The following SLC4A5 variants were observed in gnomAD, a reference collection of about 807,000 sequenced individuals.
SLC4A5 encodes the protein solute carrier family 4 member 5.
Under a neutral mutation model 120.4 loss-of-function variants are expected in SLC4A5, and 96 were observed. That is an observed-to-expected ratio of 0.80 (90% CI 0.68 to 0.94). The LOEUF (loss-of-function observed/expected upper bound fraction) is 0.94, where lower values mean the gene tolerates loss of function less well. Among genes scored for constraint, SLC4A5 ranks in the 40% least tolerant of loss-of-function variants. The pLI, the probability that SLC4A5 is intolerant of heterozygous loss-of-function variation, is 0.00. For missense variants in SLC4A5, 1,259 were observed against 1,459.5 expected, an observed-to-expected ratio of 0.86 and a Z score of 2.24; for synonymous variants, 550 against 571.1, an observed-to-expected ratio of 0.96 and a Z score of 0.53.
chr2:74,257,190 C>T (rs573321053), intron 12 of SLC4A5, among the ~76,000 whole-genome samples: 3 of 151,858 alleles, frequency 2.0e-5, no homozygotes, highest in African/African-American at 7.2e-5. Flanking sequence ...CCTACCAGCA[C>T]GAGGAGGGGC....
chr2:74,222,534 C>T (rs933920776), intron 29 of SLC4A5, among the ~76,000 whole-genome samples: 2 of 152,170 alleles, frequency 1.3e-5, no homozygotes, highest in African/African-American at 4.8e-5. Flanking sequence ...AAGCATTAAC[C>T]CCTGTGCTCC....
intron 8 of SLC4A5, among the ~76,000 whole-genome samples, chr2:74,271,601 T>C (rs1250037236): frequency 6.6e-6 from 1 of 152,048 alleles, no homozygotes; most frequent in Non-Finnish European, 1.5e-5. Flanking sequence ...ATGCCAAATA[T>C]ACATTAAGCT....
intron 27 of SLC4A5, among the ~76,000 whole-genome samples, chr2:74,225,645 C>T (rs1023675139): frequency 6.6e-6 from 1 of 152,124 alleles, no homozygotes; most frequent in Admixed American, 6.5e-5. Flanking sequence ...CTTGAGCATG[C>T]ACCAGGACCT....
chr2:74,252,031 TG>T, intron 16 of SLC4A5, 147 bp downstream of exon 16: 1 of 847,662 alleles, frequency 1.2e-6, no homozygotes, highest in Non-Finnish European at 1.8e-6. Flanking sequence ...GGATCCATGA[TG>T]GGGTTCAAGG....
At chr2:74,256,023 GA>G in intron 12 of SLC4A5, 91 bp from the exon 13 acceptor site, 3 of 1,425,768 alleles carry the variant, frequency 2.1e-6, no homozygotes, top group Non-Finnish European at 2.9e-6. Flanking sequence ...GGCCTAACTT[GA>G]AAAAAATTCT....
chr2:74,329,980 T>C (rs1273271205), intron 4 of SLC4A5, among the ~76,000 whole-genome samples: 5 of 151,298 alleles, frequency 3.3e-5, no homozygotes, highest in African/African-American at 7.3e-5. Context: ...GTGTGAAGTA[T>C]AGATGGAGGT....
intron 2 of SLC4A5, among the ~76,000 whole-genome samples, chr2:74,339,951 C>T (rs907889634): frequency 6.6e-6 from 1 of 152,180 alleles, no homozygotes; most frequent in Non-Finnish European, 1.5e-5. Context: ...ACGACAAATA[C>T]TGTATGAGTC....
intron 29 of SLC4A5, among the ~76,000 whole-genome samples, chr2:74,222,108 A>G (rs1376168227): frequency 1.3e-5 from 2 of 152,282 alleles, no homozygotes; most frequent in East Asian, 1.9e-4. Context: ...AGGACCTCCA[A>G]TTATGCCTGA....
intron 8 of SLC4A5, among the ~76,000 whole-genome samples, chr2:74,270,292 A>G (rs1671431724): frequency 6.6e-6 from 1 of 152,206 alleles, no homozygotes; most frequent in Non-Finnish European, 1.5e-5. Context: ...CCTTGAATGG[A>G]AAAGGAAACA....
intron 7 of SLC4A5, among the ~76,000 whole-genome samples, chr2:74,294,853 G>A (rs181716098): frequency 2.6e-5 from 4 of 152,068 alleles, no homozygotes; most frequent in African/African-American, 9.6e-5. Context: ...TATATTTTTA[G>A]TAGAAACTGG....
At chr2:74,252,320 G>A in exon 16 of SLC4A5, 1 of 1,613,358 alleles carries the variant, frequency 6.2e-7, no homozygotes, top group Non-Finnish European at 8.5e-7. Context: ...GCCTCCTCCA[G>A]GAGCTCCGCC....
At chr2:74,233,255 CCCT>C (rs1181169722) in intron 23 of SLC4A5, 144 bp downstream of exon 23, 3 of 961,976 alleles carry the variant, frequency 3.1e-6, no homozygotes, top group African/African-American at 3.3e-5. Flanking sequence ...TCACATTTCC[CCCT>C]CAACACACCA....
rs191532512 is a variant in SLC4A5 at position 74,235,585 on chromosome 2, C to T, written c.2320-371G>A. On this transcript the variant is annotated intron_variant, in intron 21 of 30. Coordinates refer to ENST00000394019, the Ensembl canonical transcript of SLC4A5. ...TCTGGTATGACAGTCTGAACTGGGG[C>T]ACCCAGCAGGTATGATGAGGGCAAG... Among the ~76,000 whole-genome samples the T allele has an allele frequency of 1.9e-3, 295 of 152,304 alleles. 1 individual carries two copies. Among genetic ancestry groups the T allele is most frequent in the African/African-American group, 6.7e-3 (280 of 41,562 alleles).
At chr2:74,284,093 C>T (rs530854063) in intron 8 of SLC4A5, among the ~76,000 whole-genome samples, 10 of 151,952 alleles carry the variant, frequency 6.6e-5, no homozygotes, top group Non-Finnish European at 1.2e-4. Flanking sequence ...AGCAATCTGC[C>T]TGTCTTGGCC....
intron 19 of SLC4A5, among the ~76,000 whole-genome samples, chr2:74,244,274 G>C (rs1011893119): frequency 3.3e-5 from 5 of 152,110 alleles, no homozygotes; most frequent in Non-Finnish European, 5.9e-5. Context: ...CAGTTCAATA[G>C]AGCAATGGTT....
Position 74,331,297 on chromosome 2 carries a change from C to T in SLC4A5, c.-70+2730G>A, listed in dbSNP as rs960048370. Among the ~76,000 whole-genome samples, 29 of 85,536 alleles carry T rather than the reference C, an allele frequency of 3.4e-4. 1 individual carries two copies. The South Asian group carries it at 6.9e-3, about 20-fold the overall frequency. 56.1% of individuals were successfully genotyped at this position (85,536 alleles called of 152,430 possible). A position where few individuals can be genotyped will look rare whatever the true frequency, so the allele number is the denominator to read the frequency against. ...GGTAATGTCTAGATGGAGGTGGTGA[C>T]GTCTAGATGGAGGTGTGTGGTTTAG... On this transcript the variant is annotated intron_variant, in intron 4 of 30. Coordinates refer to ENST00000394019, the Ensembl canonical transcript of SLC4A5.
intron 12 of SLC4A5, among the ~76,000 whole-genome samples, chr2:74,258,256 C>T (rs1341685191): frequency 3.9e-5 from 6 of 152,234 alleles, no homozygotes. Flanking sequence ...TCTGGGCTTG[C>T]ACCTGAAGAG....
chr2:74,272,501 G>A (rs1269082415), intron 8 of SLC4A5, among the ~76,000 whole-genome samples: 1 of 152,170 alleles, frequency 6.6e-6, no homozygotes, highest in Non-Finnish European at 1.5e-5. Context: ...TGGGGTATTA[G>A]AGTTGGGGAA....
At chr2:74,224,628 T>G (rs573626514) in intron 28 of SLC4A5, among the ~76,000 whole-genome samples, 1 of 152,254 alleles carries the variant, frequency 6.6e-6, no homozygotes, top group Non-Finnish European at 1.5e-5. Context: ...ACAGGGAGTC[T>G]CATTCACTCT....
Sources: allele counts gnomAD v4.1 joint callset (sites outside exome capture counted in the v4.1 genomes callset), GRCh38; gene constraint gnomAD v4.1.1; transcripts MANE v1.5; gene names NCBI Gene and HGNC (gene_info 2026-07-23, HGNC 2026-07-21).